The following KLHL4 variants were observed in gnomAD, a reference collection of about 807,000 sequenced individuals.
KLHL4 encodes kelch-like protein 4.
KLHL4 carries 17 observed loss-of-function variants against 45.8 expected under a neutral mutation model. The ratio of observed to expected loss-of-function variants is 0.37; its 90% CI spans 0.25 to 0.56. KLHL4 has a LOEUF of 0.56. KLHL4 is among the 20% of genes least tolerant of loss of function. The pLI, the probability that KLHL4 is intolerant of heterozygous loss-of-function variation, is 0.79. For missense variants in KLHL4, 544 were observed against 544.9 expected (o/e 1.00, Z 0.02); for synonymous variants, 224 against 189.9 (o/e 1.18, Z -1.47).
At chrX:87,615,194 T>C (rs1291566969) in intron 3 of KLHL4, among the ~76,000 whole-genome samples, 1 of 111,518 alleles carries the variant, frequency 9.0e-6, no homozygotes, top group Non-Finnish European at 1.9e-5. Flanking sequence ...TTGCTTGCAC[T>C]GTCTGTAAAA....
rs199718846 is a variant in KLHL4 at position 87,614,430 on chromosome X, C to T, written c.591-4C>T. The stretch of plus-strand genomic sequence containing the variant: ...AAATTCCTACAAATATTTCCTATTT[C>T]CAGGTTGGTTCTCAGCGCAGTGTCT... On this transcript the variant is annotated splice_region_variant and splice_polypyrimidine_tract_variant and intron_variant, in intron 2 of 10. Coordinates refer to ENST00000373119, the MANE Select transcript of KLHL4 (RefSeq NM_019117.5). The T allele has an allele frequency of 4.5e-5, 54 of 1,199,564 alleles. No homozygotes were observed. The highest frequency in any genetic ancestry group is 5.9e-5 in the Non-Finnish European group (52 of 888,488).
In KLHL4 at chrX:87,666,593, C is replaced by A; in HGVS notation, c.*59C>A. The A allele has an allele frequency of 9.3e-7, 1 of 1,074,187 alleles. No homozygotes were observed. Among genetic ancestry groups the A allele is most frequent in the Non-Finnish European group, 1.2e-6 (1 of 820,626 alleles). 88.5% of individuals were successfully genotyped at this position (1,074,187 alleles called of 1,213,427 possible). Reference sequence around the variant, plus strand: ...GATAATTTCAAGAAACTGAGTAGGACAAAGGGAGAAAGAAATACATGTTCT... The same window carrying A: ...GATAATTTCAAGAAACTGAGTAGGAAAAAGGGAGAAAGAAATACATGTTCT... On this transcript the variant is annotated 3_prime_UTR_variant, in exon 11 of 11. Transcript: ENST00000373119.
Position 87,625,647 on chromosome X carries a change from G to T in KLHL4, c.1175G>T (p.Gly392Val). ...CTTGAAACCAGTTCCATGTTTACTG[G>T]TGATCTTGAGTGTCAGAAGCTCCTG... The part of the protein sequence containing the change: ...ADLETSSMFT[G>V]DLECQKLLME... The change falls in exon 6 of 11, where the codon GGT (glycine) becomes GTT (valine). Residue 392 changes from glycine (G) to valine (V), a missense_variant. Physicochemically the swap from Gly to Val is moderately radical, Grantham distance 109 (BLOSUM62 -3). Coordinates refer to ENST00000373119, the MANE Select transcript of KLHL4 (RefSeq NM_019117.5). The T allele has an allele frequency of 8.3e-7, 1 of 1,206,698 alleles. No homozygotes were observed. The highest frequency in any genetic ancestry group is 1.8e-5 in the South Asian group (1 of 55,936).
In KLHL4 at chrX:87,523,207, G is replaced by C. The variant is rs757637026; in HGVS notation, c.422+4892G>C. ...ACTTTAAAGACTTTTTTGGAAACTT[G>C]TATGTCTTCTTTCTGACCCTTGCCC... On this transcript the variant is annotated intron_variant, in intron 1 of 10. Coordinates refer to ENST00000373119, the MANE Select transcript of KLHL4 (RefSeq NM_019117.5). Among the ~76,000 whole-genome samples the C allele has an allele frequency of 6.3e-5, 7 of 111,545 alleles. No homozygotes were observed. The Admixed American group carries it at 6.7e-4, about 11-fold the overall frequency.
chrX:87,572,675 G>A (rs972766372), intron 1 of KLHL4, among the ~76,000 whole-genome samples: 10 of 110,075 alleles, frequency 9.1e-5, no homozygotes, highest in African/African-American at 3.3e-4. Context: ...CTGGCACTTA[G>A]CATCAATTAG....
At chrX:87,552,427 C>G (rs1602412514) in intron 1 of KLHL4, among the ~76,000 whole-genome samples, 1 of 110,951 alleles carries the variant, frequency 9.0e-6, no homozygotes, top group African/African-American at 3.3e-5. Context: ...ATGTGGTGAT[C>G]AGGGGACATT....
At chrX:87,654,025 A>G (rs752573546) in intron 9 of KLHL4, among the ~76,000 whole-genome samples, 1 of 111,378 alleles carries the variant, frequency 9.0e-6, no homozygotes, top group Non-Finnish European at 1.9e-5. Context: ...TAGCTAATGC[A>G]TGCTGGGTGT....
chrX:87,630,709 G>A (rs1438750015), intron 6 of KLHL4, among the ~76,000 whole-genome samples: 1 of 111,966 alleles, frequency 8.9e-6, no homozygotes, highest in Non-Finnish European at 1.9e-5. Context: ...AATAGTGACA[G>A]TATACTATGG....
intron 10 of KLHL4, among the ~76,000 whole-genome samples, chrX:87,665,464 G>C (rs1035014329): frequency 2.7e-5 from 3 of 110,490 alleles, no homozygotes; most frequent in African/African-American, 9.9e-5. Flanking sequence ...AACAATAAGG[G>C]ACCAGAATTA....
At chrX:87,542,628 G>T (rs1287370858) in intron 1 of KLHL4, among the ~76,000 whole-genome samples, 1 of 112,568 alleles carries the variant, frequency 8.9e-6, no homozygotes, top group Non-Finnish European at 1.9e-5. Context: ...CTTTGTTTTG[G>T]CCAATTTCTT....
At chrX:87,525,382 A>G (rs1293303978) in intron 1 of KLHL4, among the ~76,000 whole-genome samples, 1 of 111,677 alleles carries the variant, frequency 9.0e-6, no homozygotes, top group East Asian at 2.8e-4. Context: ...AATGACAGAT[A>G]TAAGACAGTC....
intron 9 of KLHL4, among the ~76,000 whole-genome samples, chrX:87,642,710 T>C (rs778940282): frequency 9.0e-6 from 1 of 111,682 alleles, no homozygotes; most frequent in Admixed American, 9.5e-5. Context: ...AAAAAAACAA[T>C]CAAAAATCCA....
At chrX:87,657,428 T>C (rs181795578) in intron 9 of KLHL4, among the ~76,000 whole-genome samples, 1 of 112,012 alleles carries the variant, frequency 8.9e-6, no homozygotes, top group East Asian at 2.8e-4. Flanking sequence ...CGCTGTATAA[T>C]TTCCTTGGTT....
intron 1 of KLHL4, among the ~76,000 whole-genome samples, chrX:87,612,825 T>C (rs1330444808): frequency 1.8e-5 from 2 of 111,041 alleles, no homozygotes; most frequent in African/African-American, 3.3e-5. Flanking sequence ...GAATCATTAC[T>C]AGAAAAGAGA....
chrX:87,544,138 AC>A (rs1931623902), intron 1 of KLHL4, among the ~76,000 whole-genome samples: 1 of 110,863 alleles, frequency 9.0e-6, no homozygotes, highest in African/African-American at 3.3e-5. Context: ...CCACAAGCTG[AC>A]ATAAGAGACC....
chrX:87,573,011 C>A (rs996297500), intron 1 of KLHL4, among the ~76,000 whole-genome samples: 1 of 111,554 alleles, frequency 9.0e-6, no homozygotes, highest in African/African-American at 3.2e-5. Context: ...TCTTAATCCT[C>A]TTCTATCAAG....
At chrX:87,556,986 A>T (rs1305407474) in intron 1 of KLHL4, among the ~76,000 whole-genome samples, 1 of 111,714 alleles carries the variant, frequency 9.0e-6, no homozygotes, top group East Asian at 2.8e-4. Context: ...AGCAAATATA[A>T]CACTTTGAAC....
At chrX:87,621,955 A>G (rs774262540) in intron 4 of KLHL4, among the ~76,000 whole-genome samples, 9 of 111,815 alleles carry the variant, frequency 8.0e-5, no homozygotes, top group Non-Finnish European at 1.7e-4. Flanking sequence ...CACTCTGCCT[A>G]TGTGGGCTGT....
chrX:87,669,203 C>T lies in KLHL4; in HGVS notation c.*2669C>T. The T allele has an allele frequency of 4.6e-6, 5 of 1,094,161 alleles. No homozygotes were observed. In the Middle Eastern group the frequency reaches 1.6e-3, roughly 352 times the overall value. 90.2% of individuals were successfully genotyped at this position (1,094,161 alleles called of 1,213,427 possible). A position where few individuals can be genotyped will look rare whatever the true frequency, so the allele number is the denominator to read the frequency against. On this transcript the variant is annotated 3_prime_UTR_variant, in exon 11 of 11. Coordinates refer to ENST00000373119, the MANE Select transcript of KLHL4 (RefSeq NM_019117.5). The stretch of plus-strand genomic sequence containing the variant: ...ATTTACTGTACTCAGATCTGAAAGA[C>T]AATGTTGCTTCTTGATTTTTTTCTA...
Sources: allele counts gnomAD v4.1 joint callset (sites outside exome capture counted in the v4.1 genomes callset), GRCh38; gene constraint gnomAD v4.1.1; transcripts MANE v1.5; gene names NCBI Gene and HGNC (gene_info 2026-07-23, HGNC 2026-07-21).